The following AGO2 variants were observed in gnomAD, a reference collection of about 807,000 sequenced individuals.
AGO2 encodes argonaute RISC catalytic component 2.
In AGO2, 5 loss-of-function variants were observed where a neutral mutation model predicts 102.3. The observed-to-expected ratio is 0.05, with a 90% CI of 0.03 to 0.10. AGO2 has a LOEUF of 0.10. Ranked by LOEUF, AGO2 falls within the 10% of genes least tolerant of loss-of-function variation. The pLI, the probability that AGO2 is intolerant of heterozygous loss-of-function variation, is 1.00. For synonymous variants in AGO2, 449 were observed against 473.1 expected (o/e 0.95, Z 0.66); for missense variants, 541 against 1,183.7 (o/e 0.46, Z 7.97).
At position 140,521,633 on chromosome 8, in the gene AGO2, T is replaced by C. The variant is rs2072417642; in HGVS notation, c.*10411A>G. 1.3e-5 allele frequency: 2 copies of C among 152,260 alleles called. No homozygotes were observed. The highest frequency in any genetic ancestry group is 4.1e-4 in the South Asian group (2 of 4,836). 9.4% of individuals were successfully genotyped at this position (152,260 alleles called of 1,614,324 possible). A position where few individuals can be genotyped will look rare whatever the true frequency, so the allele number is the denominator to read the frequency against. ...TGGTAAGTCATCAACCTATCTCATT[T>C]TCTTACCTGTCAGAAAGCCTTCCTA... On this transcript the variant is annotated 3_prime_UTR_variant, in exon 19 of 19. Transcript: ENST00000220592.
Position 140,567,708 on chromosome 8 carries a change from G to A in AGO2, c.337-5074C>T, listed in dbSNP as rs997580372. Among the ~76,000 whole-genome samples, 6 of 152,214 alleles carry A rather than the reference G, an allele frequency of 3.9e-5. No individual in the cohort carries two copies. Among genetic ancestry groups the A allele is most frequent in the African/African-American group, 1.4e-4 (6 of 41,456 alleles). On this transcript the variant is annotated intron_variant, in intron 3 of 18. Coordinates refer to ENST00000220592, the MANE Select transcript of AGO2 (RefSeq NM_012154.5). The surrounding 1 kb of genome is among the most constrained non-coding windows in gnomAD (Gnocchi z 5.0). ...TGTGACATCCAATCTCCCCAGACAA[G>A]CCAAACCCGCAGGCTGGCCTCCCTG...
intron 1 of AGO2, among the ~76,000 whole-genome samples, chr8:140,635,011 G>T (rs576331998): frequency 4.0e-4 from 60 of 150,192 alleles, no homozygotes; most frequent in African/African-American, 1.4e-3. Flanking sequence ...GCCCCGACCC[G>T]GCCTCCACCC....
At chr8:140,591,646 A>G (rs1444996134) in intron 1 of AGO2, 1 of 152,174 alleles carries the variant, frequency 6.6e-6, no homozygotes, top group Admixed American at 6.5e-5. Context: ...TTTAAAATAA[A>G]TGTTTGTGGT....
intron 1 of AGO2, among the ~76,000 whole-genome samples, chr8:140,600,369 G>A (rs955096423): frequency 2.0e-5 from 3 of 152,202 alleles, no homozygotes; most frequent in Non-Finnish European, 4.4e-5. Context: ...GGAGGAGTCA[G>A]CGTCATGGGG....
At chr8:140,597,501 C>T (rs1200652466) in intron 1 of AGO2, among the ~76,000 whole-genome samples, 2 of 143,622 alleles carry the variant, frequency 1.4e-5, no homozygotes, top group Admixed American at 1.5e-4. Flanking sequence ...CCAGGCCTCC[C>T]TGCCTGAGTG....
chr8:140,563,843 A>G (rs887185035), intron 3 of AGO2, among the ~76,000 whole-genome samples: 6 of 152,116 alleles, frequency 3.9e-5, no homozygotes, highest in African/African-American at 1.4e-4. Flanking sequence ...ACTGCCCGCC[A>G]TGCCCATGCC....
At position 140,553,896 on chromosome 8, in the gene AGO2, C is replaced by T. The variant is rs142414555; in HGVS notation, c.1269+2000G>A. Among the ~76,000 whole-genome samples, 447 of 151,228 alleles carry T rather than the reference C, an allele frequency of 3.0e-3. 3 individuals are homozygous for T. Among genetic ancestry groups the T allele is most frequent in the African/African-American group, 9.8e-3 (403 of 41,102 alleles). ...GTATTTTTTAGTAGAGATAGGGTTT[C>T]GCCATGTTGACCGGAGGCTGGTCTC... On this transcript the variant is annotated intron_variant, in intron 10 of 18. Transcript: ENST00000220592.
At chr8:140,587,884 C>A (rs1331781339) in intron 1 of AGO2, among the ~76,000 whole-genome samples, 1 of 152,212 alleles carries the variant, frequency 6.6e-6, no homozygotes, top group Non-Finnish European at 1.5e-5. Flanking sequence ...AAGATGCCAC[C>A]ACACTGGCAT....
At chr8:140,566,149 C>T (rs1263378354) in intron 3 of AGO2, among the ~76,000 whole-genome samples, 6 of 152,158 alleles carry the variant, frequency 3.9e-5, no homozygotes. Context: ...AGAATTCCCA[C>T]ATGTTGTGGT....
At chr8:140,595,151 C>T (rs1489434232) in intron 1 of AGO2, among the ~76,000 whole-genome samples, 1 of 152,098 alleles carries the variant, frequency 6.6e-6, no homozygotes, top group Non-Finnish European at 1.5e-5. Flanking sequence ...CACGAAAAGA[C>T]TGAGAAGGAC....
chr8:140,598,606 C>G (rs779314009), intron 1 of AGO2, among the ~76,000 whole-genome samples: 1 of 152,214 alleles, frequency 6.6e-6, no homozygotes, highest in Non-Finnish European at 1.5e-5. Context: ...CCCGCTTGCC[C>G]GACAGCCCTG....
chr8:140,572,746 T>A, intron 3 of AGO2, 66 bp downstream of exon 3: 1 of 1,570,814 alleles, frequency 6.4e-7, no homozygotes, highest in Non-Finnish European at 8.6e-7. Context: ...CATGACAGAC[T>A]TTACAACATG....
At position 140,531,946 on chromosome 8, in the gene AGO2, G is replaced by A. The variant is rs1163870839; in HGVS notation, c.*98C>T. The A allele has an allele frequency of 1.6e-5, 16 of 1,004,054 alleles. No homozygotes were observed. Among genetic ancestry groups the A allele is most frequent in the Non-Finnish European group, 2.2e-5 (14 of 646,778 alleles). The allele number at this position is 1,004,054 out of a possible 1,614,324, so 62.2% of individuals were successfully genotyped here. On this transcript the variant is annotated 3_prime_UTR_variant, in exon 19 of 19. Coordinates refer to ENST00000220592, the MANE Select transcript of AGO2 (RefSeq NM_012154.5). ...ATAAAATCAATGACGTCTCATGTTC[G>A]ATGCTGGCTGTCACGGAAGGGCTGG...
intron 1 of AGO2, among the ~76,000 whole-genome samples, chr8:140,610,707 C>T (rs1366943899): frequency 6.6e-6 from 1 of 152,194 alleles, no homozygotes; most frequent in Non-Finnish European, 1.5e-5. Context: ...AGGCGACAGG[C>T]CCCTGGGCCC....
At position 140,581,640 on chromosome 8, in the gene AGO2, C is replaced by G. The variant is rs190013981; in HGVS notation, c.215+3479G>C. 8.7e-3 allele frequency among the ~76,000 whole-genome samples: 1,320 copies of G among 152,298 alleles called. 16 individuals carry two copies. Among genetic ancestry groups the G allele is most frequent in the Non-Finnish European group, 0.015 (1,039 of 68,004 alleles). Reference sequence around the variant, plus strand: ...GGAAACGCAAAAACAAACCAGCAGTCCCACTGATGGAGAGCCACACAGCAG... The same window carrying G: ...GGAAACGCAAAAACAAACCAGCAGTGCCACTGATGGAGAGCCACACAGCAG... On this transcript the variant is annotated intron_variant, in intron 2 of 18. Transcript: ENST00000220592.
At chr8:140,545,528 C>G (rs1238074255) in intron 13 of AGO2, among the ~76,000 whole-genome samples, 1 of 152,164 alleles carries the variant, frequency 6.6e-6, no homozygotes, top group East Asian at 1.9e-4. Flanking sequence ...TCCTGTCTCC[C>G]CTGATGCCAG....
intron 3 of AGO2, among the ~76,000 whole-genome samples, chr8:140,565,187 C>T (rs1048116700): frequency 2.0e-5 from 3 of 151,840 alleles, no homozygotes; most frequent in African/African-American, 7.3e-5. Context: ...CACCTGTAAT[C>T]CCAGCACTTT....
At chr8:140,607,919 C>T (rs1194589650) in intron 1 of AGO2, among the ~76,000 whole-genome samples, 1 of 152,098 alleles carries the variant, frequency 6.6e-6, no homozygotes, top group African/African-American at 2.4e-5. Flanking sequence ...TAAACCGGTC[C>T]GTTTTGTTCC....
intron 1 of AGO2, among the ~76,000 whole-genome samples, chr8:140,613,807 G>C (rs2074108797): frequency 6.6e-6 from 1 of 151,914 alleles, no homozygotes; most frequent in Admixed American, 6.6e-5. Context: ...CTTGACCCCT[G>C]GGGCTTGAGA....
Sources: gnomAD v4.1 joint callset for allele counts (sites outside exome capture counted in the v4.1 genomes callset) on GRCh38, gnomAD v4.1.1 for gene constraint, Gnocchi (gnomAD v3.1) non-coding constraint, MANE v1.5 for transcripts, NCBI Gene and HGNC (gene_info 2026-07-23, HGNC 2026-07-21) for gene names.